SLC8A1: variants seen among roughly 807,000 people sequenced by gnomAD.
SLC8A1 encodes the protein solute carrier family 8 member A1, also known as sodium/calcium exchanger 1.
Under a neutral mutation model 68.3 loss-of-function variants are expected in SLC8A1, and 18 were observed. The ratio of observed to expected loss-of-function variants is 0.26; its 90% confidence interval spans 0.18 to 0.39. The LOEUF (loss-of-function observed/expected upper bound fraction) is 0.39. Among genes scored for constraint, SLC8A1 ranks in the 10% least tolerant of loss-of-function variants. SLC8A1 has a pLI of 1.00. For missense variants in SLC8A1, 985 were observed against 1,156.7 expected, an observed-to-expected ratio of 0.85 and a Z score of 2.15; for synonymous variants, 475 against 415.5, an observed-to-expected ratio of 1.14 and a Z score of -1.74.
At chr2:40,117,412 A>G (rs2035707423) in intron 7 of SLC8A1, among the ~76,000 whole-genome samples, 1 of 149,392 alleles carries the variant, frequency 6.7e-6, no homozygotes, top group East Asian at 2.0e-4. Context: ...AAAAAAAAAA[A>G]AAAAAAGCCA....
intron 2 of SLC8A1, among the ~76,000 whole-genome samples, chr2:40,287,205 T>G (rs1201002542): frequency 3.3e-5 from 5 of 152,156 alleles, no homozygotes; most frequent in Non-Finnish European, 5.9e-5. Flanking sequence ...AAGTATAATA[T>G]TCAGCATTTG....
At chr2:40,255,068 A>G (rs1459250764) in intron 2 of SLC8A1, 3 of 137,198 alleles carry the variant, frequency 2.2e-5, no homozygotes, top group Admixed American at 7.7e-5. Context: ...TAAATGACAG[A>G]CCTTTTCTTA....
intron 6 of SLC8A1, among the ~76,000 whole-genome samples, chr2:40,155,282 A>G (rs941741324): frequency 2.0e-5 from 3 of 152,200 alleles, no homozygotes; most frequent in African/African-American, 7.2e-5. Context: ...GGCACCCGCC[A>G]CCACGCCTGG....
rs140837682 is a variant in SLC8A1 at position 40,366,353 on chromosome 2, C to T, written c.1808+62120G>A. Among the ~76,000 whole-genome samples the T allele has an allele frequency of 4.6e-4, 70 of 152,154 alleles. 1 individual carries two copies. The East Asian group carries it at 0.013, about 29-fold the overall frequency. The stretch of plus-strand genomic sequence containing the variant: ...ATTGTGGTATATGTTAAATGAATCT[C>T]AGTTTTGCCAATGTGTGATCTTGGA... On this transcript the variant is annotated intron_variant, in intron 2 of 7. Coordinates refer to ENST00000406785, the Ensembl canonical transcript of SLC8A1.
At chr2:40,177,952 G>A in intron 2 of SLC8A1, 12 of 805,852 alleles carry the variant, frequency 1.5e-5, no homozygotes, top group East Asian at 8.1e-5. Context: ...ATGTTATGGA[G>A]GGAGAACTGG....
At chr2:40,473,018 G>T (rs1377760467) in intron 1 of SLC8A1, among the ~76,000 whole-genome samples, 2 of 146,862 alleles carry the variant, frequency 1.4e-5, no homozygotes, top group African/African-American at 5.0e-5. Context: ...AGTCAGGAGG[G>T]TAACCTGAGA....
upstream of SLC8A1, among the ~76,000 whole-genome samples, chr2:40,452,330 G>A (rs1368944265): frequency 6.6e-6 from 1 of 151,946 alleles, no homozygotes; most frequent in Non-Finnish European, 1.5e-5. Flanking sequence ...GCGCGTTTCT[G>A]GAGCACCGAG....
chr2:40,115,175 C>T (rs1389341983), exon 8 of SLC8A1: 6 of 1,042,152 alleles, frequency 5.8e-6, no homozygotes, highest in South Asian at 3.5e-5. Context: ...TGACAAATGT[C>T]AGTTTCCTCT....
At chr2:40,200,193 T>TAA (rs1558721067) in intron 2 of SLC8A1, among the ~76,000 whole-genome samples, 80 of 5,326 alleles carry the variant, frequency 0.015, 2 homozygotes, top group Non-Finnish European at 0.037. Context: ...TATATATATT[T>TAA]ATATATATAT....
chr2:40,118,522 C>T (rs1267923071), intron 7 of SLC8A1: 3 of 147,560 alleles, frequency 2.0e-5, no homozygotes, highest in Non-Finnish European at 4.4e-5. Flanking sequence ...AAAAGCAAAG[C>T]GAGACAAATC....
At chr2:40,184,916 A>T (rs1573735214) in intron 2 of SLC8A1, among the ~76,000 whole-genome samples, 1 of 148,506 alleles carries the variant, frequency 6.7e-6, no homozygotes, top group East Asian at 2.0e-4. Flanking sequence ...AAAAAAAAAA[A>T]AAAGGAAAAG....
At chr2:40,417,417 T>C (rs559602997) in intron 2 of SLC8A1, among the ~76,000 whole-genome samples, 1 of 152,344 alleles carries the variant, frequency 6.6e-6, no homozygotes, top group East Asian at 1.9e-4. Flanking sequence ...TGTTTCTTAA[T>C]ATTCAATTTA....
At chr2:40,277,625 T>C (rs1370710500) in intron 2 of SLC8A1, among the ~76,000 whole-genome samples, 1 of 151,648 alleles carries the variant, frequency 6.6e-6, no homozygotes, top group Non-Finnish European at 1.5e-5. Flanking sequence ...GGTGGAATAA[T>C]CACTGCAAAG....
chr2:40,370,139 C>T (rs920923445), intron 2 of SLC8A1, among the ~76,000 whole-genome samples: 1 of 152,034 alleles, frequency 6.6e-6, no homozygotes, highest in Non-Finnish European at 1.5e-5. Flanking sequence ...CACACAATAC[C>T]AGTTAAAATT....
At chr2:40,458,359 G>T (rs55957030) in intron 1 of SLC8A1, among the ~76,000 whole-genome samples, 1 of 151,818 alleles carries the variant, frequency 6.6e-6, no homozygotes, top group Non-Finnish European at 1.5e-5. Flanking sequence ...ATTACTATGG[G>T]GCCCCCTTCT....
chr2:40,171,030 AC>A (rs1287225444), intron 4 of SLC8A1, among the ~76,000 whole-genome samples: 1 of 152,170 alleles, frequency 6.6e-6, no homozygotes, highest in Admixed American at 6.5e-5. Context: ...GGTTCAGCTG[AC>A]TTCCAGATTC....
rs183014184 is a variant in SLC8A1 at position 40,314,111 on chromosome 2, G to A, written c.1808+114362C>T. On this transcript the variant is annotated intron_variant, in intron 2 of 7. Transcript: ENST00000406785. ...TAAGTTCTCAAAGACTTTCTTCACC[G>A]TTTTTTGAAAAAAATATAATTGAGG... is the stretch of plus-strand genomic sequence containing the variant. Among the ~76,000 whole-genome samples, 795 of 151,740 alleles carry A rather than the reference G, an allele frequency of 5.2e-3. 3 individuals are homozygous for A. Among genetic ancestry groups the A allele is most frequent in the Non-Finnish European group, 9.5e-3 (645 of 67,904 alleles).
intron 2 of SLC8A1, among the ~76,000 whole-genome samples, chr2:40,344,500 G>A (rs1223710087): frequency 6.6e-6 from 1 of 152,148 alleles, no homozygotes; most frequent in African/African-American, 2.4e-5. Flanking sequence ...TAGTGGCTTT[G>A]GTTCTGGGAA....
intron 1 of SLC8A1, among the ~76,000 whole-genome samples, chr2:40,471,911 C>G (rs566197797): frequency 1.3e-5 from 2 of 152,174 alleles, no homozygotes; most frequent in South Asian, 2.1e-4. Context: ...ATATGTTCAT[C>G]CAGCTACAAT....
Sources: allele counts gnomAD v4.1 joint callset (sites outside exome capture counted in the v4.1 genomes callset), GRCh38; gene constraint gnomAD v4.1.1; transcripts MANE v1.5; gene names NCBI Gene and HGNC (gene_info 2026-07-23, HGNC 2026-07-21).